The following ZNF292 variants were observed in gnomAD, a reference collection of about 807,000 sequenced individuals.
ZNF292 encodes the protein 16 zinc-finger domain protein.
A neutral mutation model predicts 217.9 loss-of-function variants in ZNF292; 26 were observed. The ratio of observed to expected loss-of-function variants is 0.12; its 90% confidence interval spans 0.09 to 0.17. ZNF292 has a LOEUF of 0.17. ZNF292 is among the 10% of genes least tolerant of loss of function. The pLI is 1.00. For missense variants in ZNF292, 2,904 were observed against 3,175.2 expected, an observed-to-expected ratio of 0.91 and a Z score of 2.05; for synonymous variants, 1,257 against 1,124.1, an observed-to-expected ratio of 1.12 and a Z score of -2.37.
At chr6:87,227,229 G>A (rs1166562802) in intron 4 of ZNF292, among the ~76,000 whole-genome samples, 1 of 152,154 alleles carries the variant, frequency 6.6e-6, no homozygotes, top group African/African-American at 2.4e-5. Context: ...ACCATGAGCA[G>A]TAGTCTCAAT....
Position 87,192,692 on chromosome 6 carries a change from G to A in ZNF292, c.169-23211G>A, listed in dbSNP as rs375902354. Among the ~76,000 whole-genome samples the A allele has an allele frequency of 4.6e-5, 7 of 152,142 alleles. No homozygotes were observed. In the East Asian group the frequency reaches 7.7e-4, roughly 17 times the overall value. On this transcript the variant is annotated intron_variant, in intron 1 of 7. Coordinates refer to ENST00000369577, the MANE Select transcript of ZNF292 (RefSeq NM_015021.3). Reference sequence around the variant, plus strand: ...TTTCAAAAATGGAATTATATACTTCGTTGCATTTAATTATTAAATAAATAA... The same window carrying A: ...TTTCAAAAATGGAATTATATACTTCATTGCATTTAATTATTAAATAAATAA...
rs1465048992 is a variant in ZNF292 at position 87,261,729 on chromosome 6, T to G, written c.8100T>G (p.His2700Gln). The change falls in exon 8 of 8, where the codon CAT becomes CAG. Residue 2700 changes from histidine (H) to glutamine (Q), a missense_variant. By Grantham distance (24) the His-to-Gln change is conservative. Transcript: ENST00000369577. ...TCAGTCTGAAAAAACTTGAAGTACA[T>G]TCAAATGATCCAGATATGTCTGTTA... is the stretch of plus-strand genomic sequence containing the variant. ...PTVSLKKLEV[H>Q]SNDPDMSVMK... is the part of the protein sequence containing the mutation. 6.2e-7 allele frequency: 1 copy of G among 1,613,050 alleles called. No homozygotes were observed. The highest frequency in any genetic ancestry group is 8.5e-7 in the Non-Finnish European group (1 of 1,179,312).
At chr6:87,199,804 G>C (rs1772056613) in intron 1 of ZNF292, among the ~76,000 whole-genome samples, 1 of 152,100 alleles carries the variant, frequency 6.6e-6, no homozygotes, top group African/African-American at 2.4e-5. Flanking sequence ...AAATGACTAA[G>C]GGAAAACCTA....
At chr6:87,241,805 A>G (rs1774302191) in intron 5 of ZNF292, among the ~76,000 whole-genome samples, 2 of 152,208 alleles carry the variant, frequency 1.3e-5, no homozygotes, top group Non-Finnish European at 2.9e-5. Context: ...GTGGTCCCCC[A>G]ATTTATGATC....
chr6:87,206,131 T>C (rs1772246127), intron 1 of ZNF292, among the ~76,000 whole-genome samples: 2 of 152,212 alleles, frequency 1.3e-5, no homozygotes, highest in Admixed American at 6.5e-5. Flanking sequence ...CTTCTCATTG[T>C]GAGGGCAGAA....
chr6:87,231,785 T>A (rs1266224199), intron 4 of ZNF292, among the ~76,000 whole-genome samples: 3 of 152,224 alleles, frequency 2.0e-5, no homozygotes, highest in Non-Finnish European at 4.4e-5. Flanking sequence ...GTGTGTTGAT[T>A]GTGACTTTTT....
At chr6:87,204,680 C>T (rs1772193136) in intron 1 of ZNF292, among the ~76,000 whole-genome samples, 1 of 150,692 alleles carries the variant, frequency 6.6e-6, no homozygotes, top group African/African-American at 2.4e-5. Flanking sequence ...TCTCCTGCCT[C>T]AGCCTCCCGA....
At chr6:87,169,821 A>G in intron 1 of ZNF292, 1 of 294,726 alleles carries the variant, frequency 3.4e-6, no homozygotes, top group Non-Finnish European at 7.0e-6. Flanking sequence ...TGATTTTTGG[A>G]AATTTTAGTG....
chr6:87,254,468 A>G (rs945868302), intron 7 of ZNF292, among the ~76,000 whole-genome samples, 182 bp from the exon 8 acceptor site: 10 of 152,314 alleles, frequency 6.6e-5, no homozygotes, highest in Admixed American at 5.9e-4. Context: ...CTGCCCTTCT[A>G]TGCAGTTCAT....
At chr6:87,220,437 A>AT (rs1343771386) in intron 4 of ZNF292, among the ~76,000 whole-genome samples, 2 of 152,048 alleles carry the variant, frequency 1.3e-5, no homozygotes, top group Non-Finnish European at 2.9e-5. Flanking sequence ...AAAGATGAGT[A>AT]TTTTTTTCAT....
At chr6:87,229,937 G>A (rs1416247128) in intron 4 of ZNF292, among the ~76,000 whole-genome samples, 1 of 145,970 alleles carries the variant, frequency 6.9e-6, no homozygotes, top group Admixed American at 6.8e-5. Context: ...AGATTGCTAC[G>A]AAGTAGTCTG....
chr6:87,210,918 T>C (rs1772454397), intron 1 of ZNF292, among the ~76,000 whole-genome samples: 2 of 152,036 alleles, frequency 1.3e-5, no homozygotes, highest in Non-Finnish European at 2.9e-5. Flanking sequence ...AAGTTGCCAA[T>C]TTTTTTTGTT....
chr6:87,208,469 A>G (rs1772339302), intron 1 of ZNF292, among the ~76,000 whole-genome samples: 1 of 151,870 alleles, frequency 6.6e-6, no homozygotes. Flanking sequence ...TTTTTCCCTT[A>G]ACTATTTCTT....
intron 4 of ZNF292, 41 bp downstream of exon 4, chr6:87,218,772 C>T (rs1302866700): frequency 6.6e-7 from 1 of 1,519,678 alleles, no homozygotes; most frequent in African/African-American, 1.4e-5. Context: ...AATAATTAGA[C>T]TAGAAAAAAT....
intron 1 of ZNF292, among the ~76,000 whole-genome samples, chr6:87,192,290 C>G (rs1344164845): frequency 6.6e-6 from 1 of 151,690 alleles, no homozygotes; most frequent in Non-Finnish European, 1.5e-5. Flanking sequence ...AACAGTCTTT[C>G]TAGAGCTACT....
Position 87,255,062 on chromosome 6 carries a change from T to C in ZNF292, c.1433T>C (p.Val478Ala). ...ATAGATGAACTAAATGACAGTGAAG[T>C]ATATGAAAAAGTGGTAGACTACCAA... is the stretch of plus-strand genomic sequence containing the variant. ...SSIDELNDSEVYEKVVDYQEE... is the reference protein window; with the variant it reads ...SSIDELNDSEAYEKVVDYQEE... The change falls in exon 8 of 8, where the codon GTA (valine) becomes GCA (alanine). Residue 478 changes from valine to alanine, a missense_variant. By Grantham distance (64) the Val-to-Ala change is moderately conservative (BLOSUM62 0). Coordinates refer to ENST00000369577, the MANE Select transcript of ZNF292 (RefSeq NM_015021.3). The C allele has an allele frequency of 6.2e-7, 1 of 1,613,612 alleles. No individual in the cohort carries two copies.
At chr6:87,249,432 C>A in intron 7 of ZNF292, 5 of 285,362 alleles carry the variant, frequency 1.8e-5, no homozygotes, top group South Asian at 1.5e-4. Context: ...ATGACCTTCG[C>A]AGCAGCCTTC....
intron 7 of ZNF292, among the ~76,000 whole-genome samples, chr6:87,247,158 T>C (rs750351183): frequency 4.2e-4 from 60 of 142,314 alleles, no homozygotes; most frequent in Non-Finnish European, 7.6e-4. Flanking sequence ...GGAAACAGAG[T>C]GAGACTTGGT....
Position 87,255,801 on chromosome 6 carries a change from C to T in ZNF292, c.2172C>T (p.Cys724=), listed in dbSNP as rs41273271. Residue 724 remains cysteine (C), a synonymous_variant, in exon 8 of 8, where the codon TGC becomes TGT. Transcript: ENST00000369577. ...FLEMQSKKVI[C]QYCRRHFVSV... ...AAATGCAGAGCAAAAAAGTTATTTG[C>T]CAGTACTGTAGGCGGCATTTTGTGA... is the stretch of plus-strand genomic sequence containing the variant. 9.3e-3 allele frequency: 14,937 copies of T among 1,613,746 alleles called. 88 individuals carry two copies. The highest frequency in any genetic ancestry group is 0.011 in the Non-Finnish European group (12,407 of 1,179,832).
Sources: gnomAD v4.1 joint callset for allele counts (sites outside exome capture counted in the v4.1 genomes callset) on GRCh38, gnomAD v4.1.1 for gene constraint, MANE v1.5 for transcripts, NCBI Gene and HGNC (gene_info 2026-07-23, HGNC 2026-07-21) for gene names.